Variants in PRKG1 observed in about 807,000 individuals in gnomAD.
PRKG1 encodes the protein protein kinase cGMP-dependent 1, also known as cGMP-dependent protein kinase 1.
In PRKG1, 35 loss-of-function variants were observed where a neutral mutation model predicts 88.1. That is an observed-to-expected ratio of 0.40 (90% CI 0.30 to 0.53). The LOEUF is 0.53. Ranked by LOEUF, PRKG1 falls within the 20% of genes least tolerant of loss-of-function variation. PRKG1 has a pLI of 0.59. For missense variants in PRKG1, 540 were observed against 839.8 expected (o/e 0.64, Z 4.41); for synonymous variants, 303 against 292.5 (o/e 1.04, Z -0.37).
rs190820524 is a variant in PRKG1, at chr10:52,040,882, G to C, written c.763-13602G>C. On this transcript the variant is annotated intron_variant, in intron 5 of 17. Transcript: ENST00000373980. ...ATGGGAGTCTTGCTTTGTCACCCAG[G>C]CTGGAGTGTTGTGGCATGATCTTGG... 3.1e-4 allele frequency among the ~76,000 whole-genome samples: 41 copies of C among 131,220 alleles called. 1 individual carries two copies. The East Asian group carries it at 5.1e-3, about 16-fold the overall frequency. 86.1% of individuals were successfully genotyped at this position (131,220 alleles called of 152,430 possible).
chr10:51,279,883 A>C (rs924753479), intron 2 of PRKG1, among the ~76,000 whole-genome samples: 13 of 152,144 alleles, frequency 8.5e-5, no homozygotes, highest in African/African-American at 2.9e-4. Context: ...ATTTAAGTTT[A>C]ATATTGTTAT....
intron 2 of PRKG1, among the ~76,000 whole-genome samples, chr10:51,257,270 G>A (rs775620579): frequency 3.3e-5 from 5 of 151,766 alleles, no homozygotes; most frequent in South Asian, 2.1e-4. Context: ...AGCTGGAGAC[G>A]TGCAAATGCA....
At chr10:51,488,897 C>G (rs2132865569) in intron 3 of PRKG1, among the ~76,000 whole-genome samples, 1 of 152,218 alleles carries the variant, frequency 6.6e-6, no homozygotes, top group African/African-American at 2.4e-5. Flanking sequence ...GAGTGGACTA[C>G]AATCTCTTGT....
intron 5 of PRKG1, among the ~76,000 whole-genome samples, chr10:51,919,207 T>A (rs930541873): frequency 6.6e-6 from 1 of 152,142 alleles, no homozygotes; most frequent in Non-Finnish European, 1.5e-5. Flanking sequence ...GGGGTATAAG[T>A]CTGTTTCCTG....
At chr10:52,095,805 G>A (rs950992993) in intron 7 of PRKG1, among the ~76,000 whole-genome samples, 3 of 152,120 alleles carry the variant, frequency 2.0e-5, no homozygotes, top group African/African-American at 7.2e-5. Flanking sequence ...AACCCAAGGA[G>A]GTTATAGCTT....
At chr10:51,592,784 TC>T (rs1376877619) in intron 3 of PRKG1, among the ~76,000 whole-genome samples, 2 of 152,172 alleles carry the variant, frequency 1.3e-5, no homozygotes, top group Non-Finnish European at 2.9e-5. Flanking sequence ...TTGACTGGGG[TC>T]CAACTCAAAT....
chr10:51,077,277 T>C (rs1193719579), intron 1 of PRKG1, among the ~76,000 whole-genome samples: 1 of 152,244 alleles, frequency 6.6e-6, no homozygotes, highest in Admixed American at 6.5e-5. Context: ...TCTTTGTATT[T>C]CATCTTTACT....
At chr10:51,872,099 T>A (rs759608781) in intron 4 of PRKG1, among the ~76,000 whole-genome samples, 4 of 152,216 alleles carry the variant, frequency 2.6e-5, no homozygotes, top group Non-Finnish European at 5.9e-5. Context: ...TTTGCGTACT[T>A]CATCTCCGCC....
intron 2 of PRKG1, among the ~76,000 whole-genome samples, chr10:51,394,398 C>A (rs557741495): frequency 2.0e-5 from 3 of 152,248 alleles, no homozygotes; most frequent in South Asian, 4.2e-4. Context: ...GCCGCAAGAG[C>A]AAGTGTTTTA....
intron 3 of PRKG1, among the ~76,000 whole-genome samples, chr10:51,544,056 G>GT (rs954441653): frequency 3.3e-5 from 5 of 151,676 alleles, no homozygotes; most frequent in East Asian, 1.9e-4. Context: ...CAACATTTTG[G>GT]TTTTTTTTAA....
intron 3 of PRKG1, among the ~76,000 whole-genome samples, chr10:51,491,106 G>A (rs1219650767): frequency 6.6e-6 from 1 of 152,124 alleles, no homozygotes; most frequent in East Asian, 1.9e-4. Flanking sequence ...GATCCAGGAA[G>A]ACTTTGATAT....
At chr10:51,516,606 A>G (rs1391559877) in intron 3 of PRKG1, among the ~76,000 whole-genome samples, 1 of 152,138 alleles carries the variant, frequency 6.6e-6, no homozygotes, top group Non-Finnish European at 1.5e-5. Context: ...ACACTGCATT[A>G]TGGAAGGATA....
intron 2 of PRKG1, among the ~76,000 whole-genome samples, chr10:51,276,665 T>C (rs1287287077): frequency 6.6e-6 from 1 of 152,166 alleles, no homozygotes; most frequent in Non-Finnish European, 1.5e-5. Flanking sequence ...TTCTAACTGG[T>C]GTGAGATGGT....
intron 2 of PRKG1, among the ~76,000 whole-genome samples, chr10:51,218,490 C>CATATATATATAT (rs869105973): frequency 2.5e-5 from 1 of 40,774 alleles, no homozygotes; most frequent in South Asian, 8.1e-4. Flanking sequence ...CATCTATCTT[C>CATATATATATAT]ATATATATAT....
chr10:51,520,333 AT>A (rs915781274), intron 3 of PRKG1, among the ~76,000 whole-genome samples: 2 of 149,232 alleles, frequency 1.3e-5, no homozygotes, highest in Non-Finnish European at 3.0e-5. Flanking sequence ...CATATTACAT[AT>A]TTTTATATAT....
intron 2 of PRKG1, among the ~76,000 whole-genome samples, chr10:51,159,309 CT>C (rs1846302702): frequency 6.6e-6 from 1 of 152,118 alleles, no homozygotes; most frequent in African/African-American, 2.4e-5. Context: ...TGGATTAGCT[CT>C]CAGTAAATTT....
At chr10:51,169,844 G>A (rs1455770961) in intron 2 of PRKG1, among the ~76,000 whole-genome samples, 1 of 151,950 alleles carries the variant, frequency 6.6e-6, no homozygotes, top group Non-Finnish European at 1.5e-5. Context: ...CCTGTGTCTG[G>A]CACGTAGGAG....
At position 52,011,619 on chromosome 10, in the gene PRKG1, C is replaced by T. The variant is rs568421177; in HGVS notation, c.763-42865C>T. Among the ~76,000 whole-genome samples the T allele has an allele frequency of 3.9e-5, 6 of 152,142 alleles. No individual in the cohort carries two copies. In the South Asian group the frequency reaches 1.0e-3, roughly 26 times the overall value. On this transcript the variant is annotated intron_variant, in intron 5 of 17. Transcript: ENST00000373980. ...CTTAAAATAGAACAAATGTGTACTC[C>T]TCATCTGATTTGTTACCACTTGTAA...
rs150817610 is a variant in PRKG1, at chr10:51,028,431, A to G, written c.266+36787A>G. On this transcript the variant is annotated intron_variant, in intron 1 of 17. Coordinates refer to the PRKG1 transcript ENST00000401604. ...CCTTCATGTAAGTTGGCCAGTAACT[A>G]TCTGTTGATTGGATTTGGCTGTATT... Among the ~76,000 whole-genome samples, 26 of 152,298 alleles carry G rather than the reference A, an allele frequency of 1.7e-4. No homozygotes were observed. In the East Asian group the frequency reaches 5.0e-3, roughly 29 times the overall value.
Sources: allele counts gnomAD v4.1 joint callset (sites outside exome capture counted in the v4.1 genomes callset), GRCh38; gene constraint gnomAD v4.1.1; transcripts MANE v1.5; gene names NCBI Gene and HGNC (gene_info 2026-07-23, HGNC 2026-07-21).